ELAPOR2: variants seen among roughly 807,000 people sequenced by gnomAD.
ELAPOR2 encodes endosome/lysosome-associated apoptosis and autophagy regulator family member 2.
In ELAPOR2, 89 loss-of-function variants were observed where a neutral mutation model predicts 120.7. The observed-to-expected ratio is 0.74, with a 90% CI of 0.62 to 0.88. The LOEUF (loss-of-function observed/expected upper bound fraction) is 0.88, where lower values mean the gene tolerates loss of function less well. Among genes scored for constraint, ELAPOR2 ranks in the 40% least tolerant of loss-of-function variants. ELAPOR2 has a pLI of 0.00. For synonymous variants in ELAPOR2, 444 were observed against 444.9 expected (o/e 1.00, Z 0.03); for missense variants, 1,134 against 1,251.6 (o/e 0.91, Z 1.42).
At chr7:86,907,588 A>T in intron 18 of ELAPOR2, 82 bp downstream of exon 18, 1 of 883,014 alleles carries the variant, frequency 1.1e-6, no homozygotes, top group Non-Finnish European at 1.7e-6. Flanking sequence ...TTATGTTCAT[A>T]GAGAATATGT....
chr7:86,941,890 T>C (rs1562934841), intron 5 of ELAPOR2, 128 bp downstream of exon 5: 1 of 574,420 alleles, frequency 1.7e-6, no homozygotes, highest in South Asian at 2.6e-5. Context: ...AATTTTGATA[T>C]TTTTTCTTAA....
chr7:86,938,993 G>C lies in ELAPOR2; in HGVS notation c.848-33C>G, dbSNP rs767921661. On this transcript the variant is annotated intron_variant, in intron 6 of 21. Transcript: ENST00000450689. ...GTAATGAAAAACAGAGCATGGGAGG[G>C]GGACCCAATACCAATAAGCAAATCA... 3.1e-6 allele frequency: 5 copies of C among 1,611,098 alleles called. No individual in the cohort carries two copies. The East Asian group carries it at 6.7e-5, about 22-fold the overall frequency.
At chr7:86,964,785 C>A in intron 2 of ELAPOR2, 119 bp downstream of exon 2, 1 of 1,011,608 alleles carries the variant, frequency 9.9e-7, no homozygotes, top group Non-Finnish European at 1.4e-6. Context: ...TGCTGGTTAT[C>A]AATGCCATAT....
chr7:86,942,109 G>C lies in ELAPOR2; in HGVS notation c.655-5C>G. 1 of 1,521,908 alleles carries C rather than the reference G, an allele frequency of 6.6e-7. No individual in the cohort carries two copies. The highest frequency in any genetic ancestry group is 8.9e-7 in the Non-Finnish European group (1 of 1,120,528). 94.3% of individuals were successfully genotyped at this position (1,521,908 alleles called of 1,614,324 possible). A position where few individuals can be genotyped will look rare whatever the true frequency, so the allele number is the denominator to read the frequency against. On this transcript the variant is annotated splice_region_variant and splice_polypyrimidine_tract_variant and intron_variant, in intron 4 of 21. Coordinates refer to ENST00000450689, the MANE Select transcript of ELAPOR2 (RefSeq NM_001142749.3). ...CTGGCACTGATCATTTTGAATCTGT[G>C]GATTAAACACAAGAGCCCTAGTAAA...
Position 86,908,612 on chromosome 7 carries a change from T to C in ELAPOR2, c.2360-69A>G, listed in dbSNP as rs961190053. 4.4e-6 allele frequency: 3 copies of C among 680,470 alleles called. 1 individual carries two copies. The highest frequency in any genetic ancestry group is 3.8e-5 in the African/African-American group (2 of 52,980). 42.2% of individuals were successfully genotyped at this position (680,470 alleles called of 1,614,324 possible). ...TAGTTTTATTTGGTCTCCGTAGTTT[T>C]GAATAGAAAATAGCTTTAATGACTG... is the stretch of plus-strand genomic sequence containing the variant. On this transcript the variant is annotated intron_variant, in intron 16 of 21. Coordinates refer to ENST00000450689, the MANE Select transcript of ELAPOR2 (RefSeq NM_001142749.3).
At chr7:86,931,414 A>C (rs1008158294) in intron 8 of ELAPOR2, among the ~76,000 whole-genome samples, 1 of 151,906 alleles carries the variant, frequency 6.6e-6, no homozygotes, top group Non-Finnish European at 1.5e-5. Flanking sequence ...AGAAAACATC[A>C]CAAAGATGAT....
In ELAPOR2 at chr7:86,982,659, C is replaced by T. The variant is rs367780153; in HGVS notation, c.190-17635G>A. ...CATCAACATCAACAAAAAGGACATC[C>T]ACACCAAAACCCCATCTGTAGGTCA... On this transcript the variant is annotated intron_variant, in intron 1 of 21. Coordinates refer to ENST00000450689, the MANE Select transcript of ELAPOR2 (RefSeq NM_001142749.3). 6.3e-3 allele frequency among the ~76,000 whole-genome samples: 957 copies of T among 152,252 alleles called. 11 individuals are homozygous for T. The highest frequency in any genetic ancestry group is 0.022 in the African/African-American group (926 of 41,544).
chr7:87,057,786 C>A (rs1444398458), intron 1 of ELAPOR2, among the ~76,000 whole-genome samples: 2 of 152,172 alleles, frequency 1.3e-5, no homozygotes, highest in Non-Finnish European at 2.9e-5. Flanking sequence ...TTGACCCTGA[C>A]CTTCGCCTAC....
At chr7:86,892,212 G>C (rs1788199725) in intron 20 of ELAPOR2, among the ~76,000 whole-genome samples, 1 of 152,066 alleles carries the variant, frequency 6.6e-6, no homozygotes, top group South Asian at 2.1e-4. Flanking sequence ...ATATTTGGAA[G>C]CCAATTCACT....
chr7:87,032,742 G>A (rs1436838234), intron 1 of ELAPOR2, among the ~76,000 whole-genome samples: 1 of 152,170 alleles, frequency 6.6e-6, no homozygotes, highest in Non-Finnish European at 1.5e-5. Context: ...GACAGAATGA[G>A]ATCCTCAAAG....
chr7:87,001,112 A>C lies in ELAPOR2; in HGVS notation c.190-36088T>G, dbSNP rs1583975672. ...AGGAAACCTTGGTCCACCCGGAAGA[A>C]GTAGAAAGCCTACTACATTAGACCT... On this transcript the variant is annotated intron_variant, in intron 1 of 21. Coordinates refer to ENST00000450689, the MANE Select transcript of ELAPOR2 (RefSeq NM_001142749.3). Among the ~76,000 whole-genome samples the C allele has an allele frequency of 2.0e-5, 3 of 152,164 alleles. No homozygotes were observed. In the South Asian group the frequency reaches 6.2e-4, roughly 32 times the overall value.
chr7:86,922,780 T>A (rs1275482349), intron 10 of ELAPOR2, among the ~76,000 whole-genome samples: 1 of 151,886 alleles, frequency 6.6e-6, no homozygotes, highest in Non-Finnish European at 1.5e-5. Flanking sequence ...TAATATAAAC[T>A]ATAATAAACA....
intron 18 of ELAPOR2, among the ~76,000 whole-genome samples, chr7:86,898,290 T>C (rs533235292): frequency 6.6e-6 from 1 of 152,080 alleles, no homozygotes; most frequent in East Asian, 1.9e-4. Context: ...AAGTCCAGAA[T>C]AGAGAAATCT....
chr7:86,907,533 CAAA>C (rs10547506), intron 18 of ELAPOR2, 134 bp downstream of exon 18: 321 of 516,480 alleles, frequency 6.2e-4, no homozygotes, highest in South Asian at 7.8e-4. Flanking sequence ...ACATTCCCTA[CAAA>C]AAAAAAAAAA....
chr7:87,019,431 T>C (rs1199164064), intron 1 of ELAPOR2, among the ~76,000 whole-genome samples: 1 of 152,154 alleles, frequency 6.6e-6, no homozygotes, highest in Non-Finnish European at 1.5e-5. Context: ...CCTAGAATGC[T>C]GGGATTAAAG....
chr7:86,941,477 G>A (rs1790792460), intron 5 of ELAPOR2: 1 of 472,436 alleles, frequency 2.1e-6, no homozygotes, highest in Non-Finnish European at 4.5e-6. Flanking sequence ...GGCAGGTTGA[G>A]GCTCCAAAGA....
chr7:86,916,152 T>C (rs1484163830), intron 12 of ELAPOR2, among the ~76,000 whole-genome samples: 6 of 152,158 alleles, frequency 3.9e-5, no homozygotes, highest in Non-Finnish European at 7.3e-5. Context: ...TCAATACAAA[T>C]ATCATAAGAT....
rs562449348 is a variant in ELAPOR2 at position 86,977,420 on chromosome 7, G to A, written c.190-12396C>T. Among the ~76,000 whole-genome samples the A allele has an allele frequency of 1.7e-4, 26 of 152,158 alleles. No individual in the cohort carries two copies. The South Asian group carries it at 2.1e-3, about 12-fold the overall frequency. Reference sequence around the variant, plus strand: ...AGCTGATGCCTCATTATTCCTCCCTGTACATCACAGAAAGCAGAATTTGGC... The same window carrying A: ...AGCTGATGCCTCATTATTCCTCCCTATACATCACAGAAAGCAGAATTTGGC... On this transcript the variant is annotated intron_variant, in intron 1 of 21. Transcript: ENST00000450689.
intron 1 of ELAPOR2, among the ~76,000 whole-genome samples, chr7:86,980,763 C>T (rs1467691818): frequency 6.6e-6 from 1 of 152,070 alleles, no homozygotes; most frequent in Non-Finnish European, 1.5e-5. Flanking sequence ...AAACGTGTTC[C>T]TTTCATTCCA....
Sources: gnomAD v4.1 joint callset for allele counts (sites outside exome capture counted in the v4.1 genomes callset) on GRCh38, gnomAD v4.1.1 for gene constraint, MANE v1.5 for transcripts, NCBI Gene and HGNC (gene_info 2026-07-23, HGNC 2026-07-21) for gene names.